Variants in RIMKLB observed in about 807,000 individuals in gnomAD.
RIMKLB encodes the protein ribosomal modification protein rimK like family member B, also known as beta-citrylglutamate synthase B.
Under a neutral mutation model 32.0 loss-of-function variants are expected in RIMKLB, and 7 were observed. That is an observed-to-expected ratio of 0.22 (90% confidence interval 0.12 to 0.41). RIMKLB has a LOEUF of 0.41. Ranked by LOEUF, RIMKLB falls within the 10% of genes least tolerant of loss-of-function variation. The pLI is 1.00. For missense variants in RIMKLB, 289 were observed against 498.7 expected (o/e 0.58, Z 4.00); for synonymous variants, 172 against 185.1 (o/e 0.93, Z 0.57).
At chr12:8,783,026 A>C (rs1742798912) in exon 8 of RIMKLB, 1 of 152,244 alleles carries the variant, frequency 6.6e-6, no homozygotes, top group African/African-American at 2.4e-5. Context: ...AGAACAAGAA[A>C]GCAATAACTC....
chr12:8,710,943 C>T (rs769860410), intron 1 of RIMKLB, among the ~76,000 whole-genome samples: 2 of 125,330 alleles, frequency 1.6e-5, no homozygotes, highest in South Asian at 2.5e-4. Flanking sequence ...GTCTGGGCAA[C>T]GTAGTGAGAC....
Position 8,714,031 on chromosome 12 carries a change from A to G in RIMKLB, c.165A>G (p.Gln55=). ...ATGAGGTGGTGCTGACAATCGAGCA[A>G]GGAAACCTGGGTAAGTCTGTATACT... The part of the protein sequence containing the change: ...VMDEVVLTIE[Q]GNLGLRINGE... Residue 55 remains glutamine, a synonymous_variant, in exon 2 of 6, where the codon CAA becomes CAG. Transcript: ENST00000535829. 1 of 1,614,058 alleles carries G rather than the reference A, an allele frequency of 6.2e-7. No individual in the cohort carries two copies.
At chr12:8,769,610 G>A (rs960385230) in intron 5 of RIMKLB, among the ~76,000 whole-genome samples, 1 of 151,722 alleles carries the variant, frequency 6.6e-6, no homozygotes, top group Non-Finnish European at 1.5e-5. Flanking sequence ...GGTTAGTAAG[G>A]TACCATTTTA....
intron 1 of RIMKLB, among the ~76,000 whole-genome samples, chr12:8,682,298 C>A (rs1942430000): frequency 6.6e-6 from 1 of 152,172 alleles, no homozygotes; most frequent in Non-Finnish European, 1.5e-5. Context: ...AAGGGGTTTA[C>A]ACTTCCCGTT....
intron 2 of RIMKLB, among the ~76,000 whole-genome samples, chr12:8,725,815 G>C (rs894727514): frequency 6.6e-6 from 1 of 152,176 alleles, no homozygotes; most frequent in Admixed American, 6.5e-5. Flanking sequence ...GTAAGAAACT[G>C]CCACACTGTC....
At chr12:8,682,194 C>T (rs1446123730) in intron 1 of RIMKLB, among the ~76,000 whole-genome samples, 4 of 152,116 alleles carry the variant, frequency 2.6e-5, no homozygotes, top group Admixed American at 2.6e-4. Context: ...CAGAATTCTT[C>T]AAAGTGGAGG....
At chr12:8,726,459 T>C (rs1266328088) in intron 2 of RIMKLB, among the ~76,000 whole-genome samples, 2 of 152,234 alleles carry the variant, frequency 1.3e-5, no homozygotes, top group African/African-American at 2.4e-5. Context: ...TTGTCAGTTA[T>C]ATTATTTGCA....
intron 2 of RIMKLB, among the ~76,000 whole-genome samples, chr12:8,745,710 T>G (rs1281636161): frequency 6.9e-6 from 1 of 145,778 alleles, no homozygotes; most frequent in East Asian, 2.0e-4. Flanking sequence ...TTTTTTTTTT[T>G]TAAACACAGA....
At chr12:8,763,508 C>G (rs1247585278) in intron 5 of RIMKLB, among the ~76,000 whole-genome samples, 4 of 152,204 alleles carry the variant, frequency 2.6e-5, no homozygotes, top group Admixed American at 6.5e-5. Flanking sequence ...GCCACGGAAC[C>G]CTCTTAGTTG....
upstream of RIMKLB, among the ~76,000 whole-genome samples, chr12:8,692,950 C>T (rs957882210): frequency 1.3e-5 from 2 of 152,212 alleles, no homozygotes; most frequent in South Asian, 2.1e-4. Flanking sequence ...GCAGTTATAA[C>T]GTTAGATAAT....
In RIMKLB at chr12:8,776,874, CTT is replaced by C. The variant is rs902256210; in HGVS notation, c.*3094_*3095del. ...AAGGCATTGACTTTGAAAATCATCT[CTT>C]TTTCTCAAGAAGAAAGCAATGGAGA... On this transcript the variant is annotated 3_prime_UTR_variant, in exon 6 of 6. Coordinates refer to ENST00000535829, the MANE Select transcript of RIMKLB (RefSeq NM_001297776.2). 1.9e-5 allele frequency: 19 copies of C among 985,686 alleles called. No homozygotes were observed. The highest frequency in any genetic ancestry group is 2.3e-5 in the Non-Finnish European group (19 of 829,916). The allele number at this position is 985,686 out of a possible 1,614,324, so 61.1% of individuals were successfully genotyped here.
chr12:8,701,903 G>A (rs1020402807), intron 1 of RIMKLB, among the ~76,000 whole-genome samples: 3 of 151,698 alleles, frequency 2.0e-5, no homozygotes, highest in Non-Finnish European at 2.9e-5. Context: ...TACTCGGGGG[G>A]GCTGAGGCAG....
chr12:8,782,048 TC>T (rs1951100181), downstream of RIMKLB, among the ~76,000 whole-genome samples: 2 of 151,792 alleles, frequency 1.3e-5, no homozygotes, highest in Admixed American at 6.6e-5. Context: ...AGGGTCTCAC[TC>T]TTTCTCTACT....
chr12:8,675,009 GCC>G, the RIMKLB span, among the ~76,000 whole-genome samples: 3 of 150,228 alleles, frequency 2.0e-5, no homozygotes, highest in Non-Finnish European at 4.4e-5. Flanking sequence ...GATTACAGGT[GCC>G]TGCCACCACA....
rs796912253 is a variant in RIMKLB, at chr12:8,776,135, G to A, written c.*2351G>A. ...TGTAGTTCATGTTTGTGTTGGTGGG[G>A]TAAGGCATCAGGAAAAATGTAGTTA... On this transcript the variant is annotated 3_prime_UTR_variant, in exon 6 of 6. Transcript: ENST00000535829. 9.9e-5 allele frequency: 98 copies of A among 985,112 alleles called. No homozygotes were observed. The African/African-American group carries it at 1.5e-3, about 15-fold the overall frequency. The allele number at this position is 985,112 out of a possible 1,614,324, so 61.0% of individuals were successfully genotyped here.
intron 1 of RIMKLB, among the ~76,000 whole-genome samples, chr12:8,699,448 G>A (rs911898067): frequency 2.6e-5 from 4 of 152,110 alleles, no homozygotes; most frequent in Non-Finnish European, 1.5e-5. Flanking sequence ...ATACTTTTAA[G>A]ATATTCATTT....
chr12:8,771,303 G>A (rs1950377422), intron 5 of RIMKLB, among the ~76,000 whole-genome samples: 1 of 152,070 alleles, frequency 6.6e-6, no homozygotes, highest in African/African-American at 2.4e-5. Context: ...TCTGGAATGA[G>A]GTCTTATGAC....
intron 2 of RIMKLB, among the ~76,000 whole-genome samples, chr12:8,744,560 CTTGTT>C (rs1031862684): frequency 4.6e-5 from 7 of 151,152 alleles, no homozygotes; most frequent in Non-Finnish European, 1.0e-4. Context: ...ATTTAATCTT[CTTGTT>C]TTGTTTCTTT....
intron 2 of RIMKLB, among the ~76,000 whole-genome samples, chr12:8,715,205 T>TTAAATGGA (rs1264553070): frequency 6.6e-6 from 1 of 151,852 alleles, no homozygotes; most frequent in Non-Finnish European, 1.5e-5. Flanking sequence ...GTTGTTTTGC[T>TTAAATGGA]TAAATGGATA....
Sources: allele counts gnomAD v4.1 joint callset (sites outside exome capture counted in the v4.1 genomes callset), GRCh38; gene constraint gnomAD v4.1.1; transcripts MANE v1.5; gene names NCBI Gene and HGNC (gene_info 2026-07-23, HGNC 2026-07-21).